Variants in XKR6 observed in about 807,000 individuals in gnomAD.
XKR6 encodes XK-related protein 6.
XKR6 carries 22 observed loss-of-function variants against 56.7 expected under a neutral mutation model. The ratio of observed to expected loss-of-function variants is 0.39; its 90% CI spans 0.28 to 0.55. The LOEUF is 0.55. Among genes scored for constraint, XKR6 ranks in the 20% least tolerant of loss-of-function variants. XKR6 has a pLI of 0.66. For missense variants in XKR6, 852 were observed against 889.0 expected, an observed-to-expected ratio of 0.96 and a Z score of 0.53; for synonymous variants, 524 against 387.8, an observed-to-expected ratio of 1.35 and a Z score of -4.13.
chr8:11,142,924 G>C (rs565321065), intron 1 of XKR6, among the ~76,000 whole-genome samples: 9 of 152,248 alleles, frequency 5.9e-5, no homozygotes, highest in African/African-American at 2.2e-4. Context: ...AAAAAGAAAA[G>C]AAATGAACTG....
intron 1 of XKR6, among the ~76,000 whole-genome samples, chr8:10,979,387 C>T (rs1413096282): frequency 6.6e-6 from 1 of 152,008 alleles, no homozygotes; most frequent in African/African-American, 2.4e-5. Flanking sequence ...GTCCCAGTGG[C>T]CCCAGGCAGC....
chr8:11,134,123 A>C (rs1296322912), intron 1 of XKR6, among the ~76,000 whole-genome samples: 1 of 151,852 alleles, frequency 6.6e-6, no homozygotes, highest in East Asian at 1.9e-4. Flanking sequence ...GAACTCTTAC[A>C]CTCTACATTC....
chr8:11,145,037 G>A (rs1416225511), intron 1 of XKR6, among the ~76,000 whole-genome samples: 4 of 140,636 alleles, frequency 2.8e-5, no homozygotes, highest in African/African-American at 8.4e-5. Flanking sequence ...GAAAGGGAGA[G>A]AAAGAAGGGA....
intron 1 of XKR6, among the ~76,000 whole-genome samples, chr8:11,171,447 C>T (rs988328998): frequency 2.6e-4 from 40 of 152,220 alleles, no homozygotes; most frequent in Admixed American, 2.2e-3. Context: ...ATTTCATCTC[C>T]AGTACTGGGG....
chr8:11,107,545 G>A (rs1273933462), intron 1 of XKR6, among the ~76,000 whole-genome samples: 1 of 152,140 alleles, frequency 6.6e-6, no homozygotes, highest in Non-Finnish European at 1.5e-5. Flanking sequence ...CAACCAGCAG[G>A]GAGAAGTGGT....
chr8:11,122,788 T>C (rs1342255554), intron 1 of XKR6, among the ~76,000 whole-genome samples: 1 of 152,234 alleles, frequency 6.6e-6, no homozygotes, highest in African/African-American at 2.4e-5. Context: ...GATTGACTCA[T>C]ACTATTTAAT....
intron 1 of XKR6, among the ~76,000 whole-genome samples, chr8:11,023,465 C>T (rs1327627339): frequency 6.6e-6 from 1 of 152,190 alleles, no homozygotes; most frequent in Non-Finnish European, 1.5e-5. Context: ...GGTCTGGCTG[C>T]ATTGCCCAGG....
chr8:10,997,315 G>A (rs62490734), intron 1 of XKR6, among the ~76,000 whole-genome samples: 83 of 152,210 alleles, frequency 5.5e-4, no homozygotes, highest in Non-Finnish European at 9.7e-4. Context: ...TTAATCCTCA[G>A]AACAACCTCT....
chr8:10,943,937 A>T (rs112490680), intron 1 of XKR6, among the ~76,000 whole-genome samples: 135 of 152,224 alleles, frequency 8.9e-4, no homozygotes, highest in African/African-American at 3.2e-3. Context: ...GCCAGGCGGA[A>T]GTCTCCCCCT....
chr8:11,006,732 G>A (rs1472575113), intron 1 of XKR6, among the ~76,000 whole-genome samples: 1 of 152,180 alleles, frequency 6.6e-6, no homozygotes, highest in Non-Finnish European at 1.5e-5. Context: ...GAATTTGTAG[G>A]ATTTCTGTCC....
intron 2 of XKR6, among the ~76,000 whole-genome samples, chr8:10,900,182 C>T (rs760795391): frequency 2.6e-5 from 4 of 152,182 alleles, no homozygotes; most frequent in Non-Finnish European, 5.9e-5. Flanking sequence ...ATTCCCCCCA[C>T]GACATTCTTC....
At chr8:11,136,877 T>C (rs1800428417) in intron 1 of XKR6, 1 of 152,218 alleles carries the variant, frequency 6.6e-6, no homozygotes, top group Non-Finnish European at 1.5e-5. Context: ...CACAGTGTGG[T>C]TACAGGTTGC....
chr8:10,921,155 C>T (rs1203684770), intron 2 of XKR6, among the ~76,000 whole-genome samples: 1 of 152,272 alleles, frequency 6.6e-6, no homozygotes, highest in African/African-American at 2.4e-5. Context: ...AAGCAACATC[C>T]ATTGCCCCTT....
intron 1 of XKR6, among the ~76,000 whole-genome samples, chr8:11,000,383 C>A (rs1211025067): frequency 6.6e-6 from 1 of 152,176 alleles, no homozygotes; most frequent in Non-Finnish European, 1.5e-5. Context: ...CACATAATTC[C>A]ACTTCAGTAG....
At chr8:10,924,903 C>T in intron 1 of XKR6, 73 bp from the exon 2 acceptor site, 1 of 1,491,178 alleles carries the variant, frequency 6.7e-7, no homozygotes, top group Non-Finnish European at 9.1e-7. Context: ...TTGCCATCCC[C>T]CTAAAACCAA....
intron 1 of XKR6, among the ~76,000 whole-genome samples, chr8:10,990,247 G>C (rs187198529): frequency 6.6e-6 from 1 of 152,332 alleles, no homozygotes; most frequent in Non-Finnish European, 1.5e-5. Context: ...CTCTATCCAG[G>C]AGCTCTTAGA....
intron 1 of XKR6, among the ~76,000 whole-genome samples, chr8:10,975,972 A>G (rs1320039726): frequency 6.6e-6 from 1 of 152,168 alleles, no homozygotes; most frequent in African/African-American, 2.4e-5. Flanking sequence ...CAGGAGATCG[A>G]GACCATACTG....
intron 1 of XKR6, among the ~76,000 whole-genome samples, chr8:11,142,611 C>T (rs1258390805): frequency 1.3e-5 from 2 of 152,174 alleles, no homozygotes; most frequent in African/African-American, 4.8e-5. Context: ...CTGCTCCTTG[C>T]TCCAGCTCTT....
At chr8:10,947,547 G>C (rs1801589564) in intron 1 of XKR6, among the ~76,000 whole-genome samples, 2 of 152,294 alleles carry the variant, frequency 1.3e-5, no homozygotes, top group African/African-American at 4.8e-5. Context: ...AGGACCGAGA[G>C]GGCCCTGGTG....
Sources: allele counts gnomAD v4.1 joint callset (sites outside exome capture counted in the v4.1 genomes callset), GRCh38; gene constraint gnomAD v4.1.1; transcripts MANE v1.5; gene names NCBI Gene and HGNC (gene_info 2026-07-23, HGNC 2026-07-21).